The following SGCZ variants were observed in gnomAD, a reference collection of about 807,000 sequenced individuals.
SGCZ encodes zeta-sarcoglycan.
SGCZ carries 40 observed loss-of-function variants against 41.3 expected under a neutral mutation model. The ratio of observed to expected loss-of-function variants is 0.97; its 90% CI spans 0.75 to 1.26. The LOEUF (loss-of-function observed/expected upper bound fraction) is 1.26. SGCZ is among the 50% of genes most tolerant of loss of function. The pLI is 0.00. For synonymous variants in SGCZ, 206 were observed against 137.5 expected (o/e 1.50, Z -3.49); for missense variants, 552 against 369.8 (o/e 1.49, Z -4.04).
intron 1 of SGCZ, among the ~76,000 whole-genome samples, chr8:15,123,029 G>A (rs1807545522): frequency 6.6e-6 from 1 of 152,130 alleles, no homozygotes; most frequent in Non-Finnish European, 1.5e-5. Context: ...AAACTTACTT[G>A]CAGATATTTG....
intron 1 of SGCZ, among the ~76,000 whole-genome samples, chr8:14,836,858 T>C (rs1802717732): frequency 6.6e-6 from 1 of 152,168 alleles, no homozygotes; most frequent in African/African-American, 2.4e-5. Flanking sequence ...CTTAAAAATA[T>C]CTTATGGCTA....
chr8:14,176,642 C>A lies in SGCZ; in HGVS notation c.425-11940G>T, dbSNP rs1382139. ...TCTCAAAATGTATGCAGTATAAACT[C>A]TCCCCCACCAGGTTACTCAAGGGCA... On this transcript the variant is annotated intron_variant, in intron 4 of 7. Coordinates refer to ENST00000382080, the MANE Select transcript of SGCZ (RefSeq NM_139167.4). 3.3e-5 allele frequency among the ~76,000 whole-genome samples: 5 copies of A among 152,212 alleles called. No individual in the cohort carries two copies. In the East Asian group the frequency reaches 7.8e-4, roughly 24 times the overall value.
chr8:14,880,819 G>A (rs557091874), intron 1 of SGCZ, among the ~76,000 whole-genome samples: 7 of 152,210 alleles, frequency 4.6e-5, no homozygotes, highest in African/African-American at 1.7e-4. Context: ...CAGGGGATGG[G>A]GGTGGGATAG....
chr8:14,585,170 C>T (rs935036893), intron 1 of SGCZ, among the ~76,000 whole-genome samples: 1 of 152,210 alleles, frequency 6.6e-6, no homozygotes, highest in African/African-American at 2.4e-5. Flanking sequence ...CAAGGAAACT[C>T]TCAGTAAAAT....
chr8:14,960,937 ACAC>A (rs2130850763), intron 1 of SGCZ, among the ~76,000 whole-genome samples: 1 of 119,744 alleles, frequency 8.4e-6, no homozygotes, highest in East Asian at 2.1e-4. Flanking sequence ...AATGGCACAC[ACAC>A]ACACACACAC....
intron 1 of SGCZ, among the ~76,000 whole-genome samples, chr8:15,068,066 G>A (rs1440667592): frequency 1.3e-5 from 2 of 152,130 alleles, no homozygotes; most frequent in African/African-American, 2.4e-5. Flanking sequence ...TAGGACATAC[G>A]AGCAGTGCCG....
chr8:15,124,111 G>A (rs527536759), intron 1 of SGCZ, among the ~76,000 whole-genome samples: 14 of 152,250 alleles, frequency 9.2e-5, no homozygotes, highest in African/African-American at 2.6e-4. Context: ...TGACAACTCC[G>A]GCTGTGATGT....
In SGCZ at chr8:14,085,819, T is replaced by C. The variant is rs1205485278; in HGVS notation, c.*4624A>G. On this transcript the variant is annotated 3_prime_UTR_variant, in exon 8 of 8. Transcript: ENST00000382080. ...ACAACTCAGGATCCTCCAAGAAGGA[T>C]GTTTACTACCTCATGTTATAATTAT... is the stretch of plus-strand genomic sequence containing the variant. Among the ~76,000 whole-genome samples the C allele has an allele frequency of 6.6e-6, 1 of 151,804 alleles. No homozygotes were observed. Among genetic ancestry groups the C allele is most frequent in the Non-Finnish European group, 1.5e-5 (1 of 67,812 alleles).
At chr8:14,828,155 G>C (rs1396022039) in intron 1 of SGCZ, among the ~76,000 whole-genome samples, 2 of 152,134 alleles carry the variant, frequency 1.3e-5, no homozygotes, top group Non-Finnish European at 2.9e-5. Context: ...TGGAAGAATG[G>C]TGAAAGCACG....
At chr8:14,831,598 T>TTG (rs113673802) in intron 1 of SGCZ, among the ~76,000 whole-genome samples, 64,039 of 149,748 alleles carry the variant, frequency 0.43, 14,012 homozygotes, top group African/African-American at 0.57. Flanking sequence ...ACAAGTGTGT[T>TTG]TGTGTGTGTG....
chr8:14,629,978 G>C (rs1222280889), intron 1 of SGCZ, among the ~76,000 whole-genome samples: 1 of 151,962 alleles, frequency 6.6e-6, no homozygotes, highest in Non-Finnish European at 1.5e-5. Context: ...CTTGATGCTA[G>C]GTAAAATATC....
chr8:14,204,330 C>T (rs1183942012), intron 4 of SGCZ, among the ~76,000 whole-genome samples: 1 of 150,148 alleles, frequency 6.7e-6, no homozygotes, highest in Non-Finnish European at 1.5e-5. Context: ...CCCCTTTATA[C>T]CAAATACCAG....
intron 2 of SGCZ, among the ~76,000 whole-genome samples, chr8:14,462,516 T>C (rs1210406788): frequency 6.6e-6 from 1 of 151,888 alleles, no homozygotes; most frequent in Non-Finnish European, 1.5e-5. Flanking sequence ...CGACCCAATT[T>C]TTTGACAACA....
At chr8:14,704,952 A>G (rs1418815695) in intron 1 of SGCZ, among the ~76,000 whole-genome samples, 1 of 151,980 alleles carries the variant, frequency 6.6e-6, no homozygotes, top group Non-Finnish European at 1.5e-5. Flanking sequence ...TAATAGCTAA[A>G]ACATATAAAA....
intron 1 of SGCZ, among the ~76,000 whole-genome samples, chr8:14,821,180 T>C (rs1311747072): frequency 1.3e-5 from 2 of 152,068 alleles, no homozygotes; most frequent in African/African-American, 2.4e-5. Flanking sequence ...GAGACTATTA[T>C]GAATGAACAG....
At chr8:14,555,945 T>C (rs1451631735) in intron 1 of SGCZ, among the ~76,000 whole-genome samples, 1 of 152,054 alleles carries the variant, frequency 6.6e-6, no homozygotes, top group African/African-American at 2.4e-5. Context: ...CACTATATAT[T>C]ATACCATACT....
chr8:14,780,090 A>G (rs1480183100), intron 1 of SGCZ, among the ~76,000 whole-genome samples: 1 of 151,858 alleles, frequency 6.6e-6, no homozygotes, highest in Admixed American at 6.6e-5. Flanking sequence ...ATAGAAAAAT[A>G]CGGCCGGGCG....
At chr8:14,893,068 A>G (rs1262866393) in intron 1 of SGCZ, among the ~76,000 whole-genome samples, 1 of 152,180 alleles carries the variant, frequency 6.6e-6, no homozygotes, top group Non-Finnish European at 1.5e-5. Context: ...GGGACTTTGC[A>G]TATTTGATTA....
Position 14,939,877 on chromosome 8 carries a change from T to C in SGCZ, c.39+297708A>G, listed in dbSNP as rs148064238. The stretch of plus-strand genomic sequence containing the variant: ...ACAATTCAAAGAATTAAAACCACAT[T>C]GATGTCAGCTCAAGTATTCATCACT... On this transcript the variant is annotated intron_variant, in intron 1 of 7. Coordinates refer to ENST00000382080, the MANE Select transcript of SGCZ (RefSeq NM_139167.4). Among the ~76,000 whole-genome samples the C allele has an allele frequency of 1.2e-3, 182 of 152,254 alleles. 1 individual carries two copies. Among genetic ancestry groups the C allele is most frequent in the African/African-American group, 3.8e-3 (156 of 41,548 alleles).
Sources: gnomAD v4.1 joint callset for allele counts (sites outside exome capture counted in the v4.1 genomes callset) on GRCh38, gnomAD v4.1.1 for gene constraint, MANE v1.5 for transcripts, NCBI Gene and HGNC (gene_info 2026-07-23, HGNC 2026-07-21) for gene names.